Variants in PROS1 observed in about 807,000 individuals in gnomAD.
PROS1 encodes the protein protein S, also known as vitamin K-dependent protein S.
PROS1 carries 29 observed loss-of-function variants against 75.9 expected under a neutral mutation model. That is an observed-to-expected ratio of 0.38 (90% CI 0.28 to 0.52). PROS1 has a LOEUF of 0.52. Ranked by LOEUF, PROS1 falls within the 20% of genes least tolerant of loss-of-function variation. The pLI, the probability that PROS1 is intolerant of heterozygous loss-of-function variation, is 0.83. For missense variants in PROS1, 680 were observed against 810.3 expected (o/e 0.84, Z 1.95); for synonymous variants, 245 against 280.6 (o/e 0.87, Z 1.27).
chr3:93,956,553 C>A lies in PROS1; in HGVS notation c.76+17121G>T, dbSNP rs1461598534. ...CTCTCTACACACACACACACACACA[C>A]ACACACACAAACACACACACACACA... On this transcript the variant is annotated intron_variant, in intron 1 of 14. Coordinates refer to ENST00000394236, the MANE Select transcript of PROS1 (RefSeq NM_000313.4). Among the ~76,000 whole-genome samples, 4 of 83,466 alleles carry A rather than the reference C, an allele frequency of 4.8e-5. No individual in the cohort carries two copies. In the Admixed American group the frequency reaches 4.8e-4, roughly 10 times the overall value. 54.8% of individuals were successfully genotyped at this position (83,466 alleles called of 152,430 possible).
intron 3 of PROS1, among the ~76,000 whole-genome samples, chr3:93,917,862 C>T (rs1233028659): frequency 6.6e-6 from 1 of 152,168 alleles, no homozygotes; most frequent in Non-Finnish European, 1.5e-5. Flanking sequence ...CATGCCTGAG[C>T]CTCCCCCGCC....
At chr3:93,938,069 G>A (rs750306322) in intron 1 of PROS1, among the ~76,000 whole-genome samples, 2 of 152,168 alleles carry the variant, frequency 1.3e-5, no homozygotes, top group South Asian at 2.1e-4. Flanking sequence ...AGGCCTCTGA[G>A]CCCAAGCTAA....
intron 14 of PROS1, 31 bp downstream of exon 14, chr3:93,876,935 T>A (rs1708198338): frequency 1.4e-6 from 2 of 1,420,416 alleles, no homozygotes; most frequent in Non-Finnish European, 2.0e-6. Context: ...AAAATATACT[T>A]TTTAAAACTG....
At chr3:93,938,506 C>T (rs1161387303) in intron 1 of PROS1, among the ~76,000 whole-genome samples, 1 of 152,074 alleles carries the variant, frequency 6.6e-6, no homozygotes, top group Non-Finnish European at 1.5e-5. Flanking sequence ...TCCTCGTCCT[C>T]ACTCCGTGAG....
chr3:93,912,684 C>T (rs1178269392), intron 3 of PROS1, among the ~76,000 whole-genome samples: 1 of 152,084 alleles, frequency 6.6e-6, no homozygotes, highest in African/African-American at 2.4e-5. Context: ...TATCAAGGTG[C>T]TTTAGTGTCT....
chr3:93,916,946 A>C (rs1301750423), intron 3 of PROS1, among the ~76,000 whole-genome samples: 1 of 152,238 alleles, frequency 6.6e-6, no homozygotes, highest in South Asian at 2.1e-4. Flanking sequence ...TGACTCCTAG[A>C]CAAAGGTTGT....
At chr3:93,897,854 C>A (rs1232269175) in intron 8 of PROS1, among the ~76,000 whole-genome samples, 1 of 151,948 alleles carries the variant, frequency 6.6e-6, no homozygotes, top group Non-Finnish European at 1.5e-5. Flanking sequence ...ATTCCTGGGT[C>A]AATTATGCAT....
At chr3:93,876,135 G>A (rs772046153) in intron 14 of PROS1, among the ~76,000 whole-genome samples, 6 of 152,062 alleles carry the variant, frequency 3.9e-5, no homozygotes, top group Non-Finnish European at 7.4e-5. Context: ...CATCTTCATT[G>A]TTATCACCCT....
At chr3:93,910,511 A>C (rs1367010563) in intron 4 of PROS1, 108 bp downstream of exon 4, 1 of 899,758 alleles carries the variant, frequency 1.1e-6, no homozygotes, top group Non-Finnish European at 1.8e-6. Flanking sequence ...CATACAACCC[A>C]TCAAAGGATC....
intron 9 of PROS1, among the ~76,000 whole-genome samples, chr3:93,894,696 C>A (rs1708476454): frequency 6.6e-6 from 1 of 151,926 alleles, no homozygotes; most frequent in Non-Finnish European, 1.5e-5. Context: ...TTGACATTTA[C>A]GGAGGGAAAG....
intron 3 of PROS1, among the ~76,000 whole-genome samples, chr3:93,914,424 T>G (rs571617378): frequency 2.8e-4 from 43 of 152,296 alleles, no homozygotes; most frequent in African/African-American, 1.0e-3. Flanking sequence ...AGTGGTGGGT[T>G]GAGATGCACC....
rs148714407 is a variant in PROS1, at chr3:93,933,941, G to A, written c.77-6534C>T. Among the ~76,000 whole-genome samples the A allele has an allele frequency of 4.6e-3, 700 of 151,532 alleles. 6 individuals carry two copies. The highest frequency in any genetic ancestry group is 0.014 in the African/African-American group (598 of 41,302). ...GAAGAATCACTTGAACCCAGGAGGC[G>A]GAGGGTGCAGTGAGCTGAGATCGTG... is the stretch of plus-strand genomic sequence containing the variant. On this transcript the variant is annotated intron_variant, in intron 1 of 14. Transcript: ENST00000394236.
chr3:93,877,752 G>A (rs977989992), intron 13 of PROS1, among the ~76,000 whole-genome samples: 11 of 152,194 alleles, frequency 7.2e-5, no homozygotes, highest in African/African-American at 2.7e-4. Context: ...GAAAGAAAAT[G>A]TGTTCATTCT....
chr3:93,942,680 G>A (rs1437357670), intron 1 of PROS1, among the ~76,000 whole-genome samples: 1 of 152,108 alleles, frequency 6.6e-6, no homozygotes, highest in Non-Finnish European at 1.5e-5. Flanking sequence ...AGCCTCACAG[G>A]CCCATTCTAT....
At chr3:93,937,582 T>C (rs1366365466) in intron 1 of PROS1, among the ~76,000 whole-genome samples, 1 of 152,088 alleles carries the variant, frequency 6.6e-6, no homozygotes, top group Non-Finnish European at 1.5e-5. Flanking sequence ...TTCACCAGGA[T>C]GGTCTTGATC....
chr3:93,908,083 G>A (rs1284487393), intron 4 of PROS1, among the ~76,000 whole-genome samples: 2 of 152,146 alleles, frequency 1.3e-5, no homozygotes, highest in Non-Finnish European at 1.5e-5. Context: ...GGGAGGCAGA[G>A]GCTGCAGTAA....
At chr3:93,937,368 A>ATT (rs11345121) in intron 1 of PROS1, among the ~76,000 whole-genome samples, 2 of 129,440 alleles carry the variant, frequency 1.5e-5, no homozygotes, top group Admixed American at 7.7e-5. Context: ...TCATGAGTTG[A>ATT]TTTTTTTTTT....
At chr3:93,924,971 C>A (rs970250733) in intron 2 of PROS1, among the ~76,000 whole-genome samples, 1 of 152,114 alleles carries the variant, frequency 6.6e-6, no homozygotes, top group Non-Finnish European at 1.5e-5. Flanking sequence ...GCCCAGCTAA[C>A]AGTGACATAC....
chr3:93,914,020 T>C (rs1376246105), intron 3 of PROS1, among the ~76,000 whole-genome samples: 8 of 152,258 alleles, frequency 5.3e-5, no homozygotes, highest in African/African-American at 1.9e-4. Flanking sequence ...ATGTCCTGAC[T>C]TCTGAGCACA....
Sources: allele counts gnomAD v4.1 joint callset (sites outside exome capture counted in the v4.1 genomes callset), GRCh38; gene constraint gnomAD v4.1.1; transcripts MANE v1.5; gene names NCBI Gene and HGNC (gene_info 2026-07-23, HGNC 2026-07-21).